The following CPNE8 variants were observed in gnomAD, a reference collection of about 807,000 sequenced individuals.
The protein encoded by CPNE8 is copine 8.
A neutral mutation model predicts 81.5 loss-of-function variants in CPNE8; 45 were observed. The ratio of observed to expected loss-of-function variants is 0.55; its 90% CI spans 0.44 to 0.71. CPNE8 has a LOEUF of 0.71. CPNE8 is among the 30% of genes least tolerant of loss of function. The pLI, the probability that CPNE8 is intolerant of heterozygous loss-of-function variation, is 0.00. For synonymous variants in CPNE8, 252 were observed against 226.3 expected (o/e 1.11, Z -1.02); for missense variants, 594 against 672.1 (o/e 0.88, Z 1.28).
At chr12:38,799,358 A>C (rs12318532) in intron 6 of CPNE8, among the ~76,000 whole-genome samples, 15 of 152,214 alleles carry the variant, frequency 9.9e-5, no homozygotes, top group Non-Finnish European at 1.8e-4. Flanking sequence ...CTCAGACCAC[A>C]GTGCAATCAA....
chr12:38,723,761 G>C lies in CPNE8; in HGVS notation c.914+11C>G, dbSNP rs557793013. ...GCCTAAGCAACGAAACAATTTGAGA[G>C]AATTACTTACCCTCCCTTAATGTAG... On this transcript the variant is annotated intron_variant, in intron 13 of 19. Coordinates refer to ENST00000331366, the MANE Select transcript of CPNE8 (RefSeq NM_153634.3). 4.5e-6 allele frequency: 7 copies of C among 1,545,764 alleles called. No homozygotes were observed. The highest frequency in any genetic ancestry group is 6.2e-6 in the Non-Finnish European group (7 of 1,121,446).
chr12:38,736,441 T>C (rs1940955385), intron 10 of CPNE8, among the ~76,000 whole-genome samples: 1 of 151,850 alleles, frequency 6.6e-6, no homozygotes, highest in Non-Finnish European at 1.5e-5. Flanking sequence ...CTATAAGCCA[T>C]AGTTAAGGAT....
chr12:38,829,841 A>G (rs1943255880), intron 5 of CPNE8, among the ~76,000 whole-genome samples: 1 of 152,180 alleles, frequency 6.6e-6, no homozygotes, highest in Admixed American at 6.5e-5. Flanking sequence ...AGAGGTGGCT[A>G]ATCCCAGTAA....
intron 7 of CPNE8, among the ~76,000 whole-genome samples, chr12:38,772,605 C>A: frequency 6.6e-6 from 1 of 152,110 alleles, no homozygotes; most frequent in African/African-American, 2.4e-5. Flanking sequence ...AAAAAACAAA[C>A]GCAAAAGGAA....
intron 9 of CPNE8, among the ~76,000 whole-genome samples, 170 bp downstream of exon 9, chr12:38,761,942 T>C (rs1348410078): frequency 2.0e-5 from 3 of 152,242 alleles, no homozygotes; most frequent in Non-Finnish European, 4.4e-5. Flanking sequence ...TTTTGAATAA[T>C]AAATTAAAAT....
At chr12:38,863,756 A>G (rs1046175394) in intron 3 of CPNE8, among the ~76,000 whole-genome samples, 1 of 152,210 alleles carries the variant, frequency 6.6e-6, no homozygotes, top group African/African-American at 2.4e-5. Context: ...ATCAAGAACA[A>G]GAACGCCTCC....
intron 19 of CPNE8, among the ~76,000 whole-genome samples, chr12:38,661,193 G>T (rs906167093): frequency 1.3e-5 from 2 of 152,110 alleles, no homozygotes; most frequent in African/African-American, 4.8e-5. Flanking sequence ...CAATAGCAAA[G>T]ACTTGGAACC....
chr12:38,713,973 G>C (rs566711992), intron 13 of CPNE8, among the ~76,000 whole-genome samples: 1 of 152,078 alleles, frequency 6.6e-6, no homozygotes, highest in African/African-American at 2.4e-5. Context: ...TTTGTGATCT[G>C]TTTTCCCCCT....
At position 38,693,765 on chromosome 12, in the gene CPNE8, T is replaced by A; in HGVS notation, c.1035A>T (p.Lys345Asn). 1 of 1,613,380 alleles carries A rather than the reference T, an allele frequency of 6.2e-7. No homozygotes were observed. Among genetic ancestry groups the A allele is most frequent in the Non-Finnish European group, 8.5e-7 (1 of 1,179,616 alleles). ...AATCTTGAACAATTTCTCCCACTGC[T>A]TTTAGTGCCATACCATAGGCATTCA... Reference protein sequence around the residue: ...YQLNAYGMALKAVGEIVQDYD... With the variant: ...YQLNAYGMALNAVGEIVQDYD... The change falls in exon 15 of 20, where the codon AAA becomes AAT. Residue 345 changes from lysine (K) to asparagine (N), a missense_variant. Transcript: ENST00000331366.
chr12:38,906,675 G>A (rs1408234915), upstream of CPNE8: 7 of 894,268 alleles, frequency 7.8e-6, no homozygotes, highest in Non-Finnish European at 9.4e-6. Context: ...AGACGGAGTC[G>A]TGGCAAAAGC....
intron 5 of CPNE8, among the ~76,000 whole-genome samples, chr12:38,835,391 T>C (rs1250580869): frequency 6.6e-6 from 1 of 152,212 alleles, no homozygotes; most frequent in African/African-American, 2.4e-5. Flanking sequence ...AGTGTCAATG[T>C]CTTACTAGTT....
intron 6 of CPNE8, among the ~76,000 whole-genome samples, chr12:38,782,688 GT>G (rs111521870): frequency 0.013 from 1,954 of 147,488 alleles, 45 homozygotes; most frequent in African/African-American, 0.045. Context: ...TTTTTGTTTT[GT>G]TTTTTTTTTG....
intron 16 of CPNE8, chr12:38,679,758 CT>C: frequency 1.1e-6 from 1 of 890,910 alleles, no homozygotes; most frequent in Non-Finnish European, 1.3e-6. Context: ...ATTTATTCTA[CT>C]TAGCCTTTTA....
chr12:38,781,700 C>T (rs1942056465), intron 6 of CPNE8, among the ~76,000 whole-genome samples: 1 of 151,994 alleles, frequency 6.6e-6, no homozygotes, highest in Admixed American at 6.6e-5. Flanking sequence ...TCATGGTAAA[C>T]ACCCTTGGCA....
chr12:38,709,889 G>T (rs947619336), intron 13 of CPNE8, among the ~76,000 whole-genome samples: 8 of 152,018 alleles, frequency 5.3e-5, no homozygotes, highest in African/African-American at 2.4e-5. Context: ...TGAAGTAATT[G>T]TAAACTTTGA....
At chr12:38,782,417 AT>A (rs1942074409) in intron 6 of CPNE8, among the ~76,000 whole-genome samples, 2 of 152,176 alleles carry the variant, frequency 1.3e-5, no homozygotes, top group African/African-American at 4.8e-5. Flanking sequence ...AATATGTATC[AT>A]TGTGAAGTTT....
intron 1 of CPNE8, among the ~76,000 whole-genome samples, chr12:38,897,179 C>A (rs1282703279): frequency 1.3e-5 from 2 of 152,072 alleles, no homozygotes; most frequent in African/African-American, 4.8e-5. Flanking sequence ...CTCAAATTCT[C>A]ATTAATCTCT....
chr12:38,893,715 C>T (rs982420464), intron 1 of CPNE8, among the ~76,000 whole-genome samples: 34 of 152,304 alleles, frequency 2.2e-4, no homozygotes, highest in South Asian at 6.2e-4. Context: ...TTTGCAGTAA[C>T]AATACTACTC....
intron 1 of CPNE8, among the ~76,000 whole-genome samples, chr12:38,884,178 C>T (rs75845596): frequency 0.064 from 9,730 of 152,108 alleles, 831 homozygotes; most frequent in African/African-American, 0.19. Context: ...ACCCTGAACC[C>T]ATCAAAAATC....
Sources: gnomAD v4.1 joint callset for allele counts (sites outside exome capture counted in the v4.1 genomes callset) on GRCh38, gnomAD v4.1.1 for gene constraint, MANE v1.5 for transcripts, NCBI Gene and HGNC (gene_info 2026-07-23, HGNC 2026-07-21) for gene names.